SLC6A14: variants seen among roughly 807,000 people sequenced by gnomAD.
SLC6A14 encodes sodium- and chloride-dependent neutral and basic amino acid transporter B(0+).
A neutral mutation model predicts 51.4 loss-of-function variants in SLC6A14; 21 were observed. The ratio of observed to expected loss-of-function variants is 0.41; its 90% confidence interval spans 0.29 to 0.59. SLC6A14 has a LOEUF of 0.59. SLC6A14 is among the 20% of genes least tolerant of loss of function. The pLI, the probability that SLC6A14 is intolerant of heterozygous loss-of-function variation, is 0.31. For synonymous variants in SLC6A14, 177 were observed against 160.7 expected (o/e 1.10, Z -0.77); for missense variants, 371 against 472.8 (o/e 0.78, Z 2.00).
chrX:116,460,269 T>C lies in SLC6A14; in HGVS notation c.*1314T>C, dbSNP rs1556695070. On this transcript the variant is annotated 3_prime_UTR_variant, in exon 14 of 14. Coordinates refer to ENST00000598581, the MANE Select transcript of SLC6A14 (RefSeq NM_007231.5). The stretch of plus-strand genomic sequence containing the variant: ...AGGAAAACTGTGACCCAAAGAAGTT[T>C]AAGAATCACATACACTGCTGCTGGC... 1 of 111,634 alleles carries C rather than the reference T, an allele frequency of 9.0e-6. No homozygotes were observed. The highest frequency in any genetic ancestry group is 9.5e-5 in the Admixed American group (1 of 10,514). 9.2% of individuals were successfully genotyped at this position (111,634 alleles called of 1,213,427 possible). A position where few individuals can be genotyped will look rare whatever the true frequency, so the allele number is the denominator to read the frequency against.
intron 2 of SLC6A14, among the ~76,000 whole-genome samples, chrX:116,440,705 T>G (rs1419449620): frequency 8.9e-6 from 1 of 111,961 alleles, no homozygotes; most frequent in East Asian, 2.8e-4. Flanking sequence ...TCAATTCCTC[T>G]GGCTTACTTT....
At chrX:116,453,584 A>T (rs1927866039) in intron 9 of SLC6A14, among the ~76,000 whole-genome samples, 1 of 111,528 alleles carries the variant, frequency 9.0e-6, no homozygotes, top group Non-Finnish European at 1.9e-5. Context: ...TTTTGCATTG[A>T]TTATGAATCC....
Position 116,444,998 on chromosome X carries a change from C to A in SLC6A14, c.737C>A (p.Ala246Asp). 1 of 1,208,544 alleles carries A rather than the reference C, an allele frequency of 8.3e-7. No individual in the cohort carries two copies. Among genetic ancestry groups the A allele is most frequent in the Non-Finnish European group, 1.1e-6 (1 of 893,810 alleles). ...VWYLALCLLL[A>D]WLIVGAALFK... is the part of the protein sequence containing the mutation. ...TATTTAGCACTTTGTCTTCTTCTGGCTTGGCTCATAGTTGGAGCAGCACTA... is the reference window on the plus strand; with the variant it reads ...TATTTAGCACTTTGTCTTCTTCTGGATTGGCTCATAGTTGGAGCAGCACTA... The change falls in exon 6 of 14, where the codon GCT becomes GAT. Residue 246 changes from alanine to aspartate, a missense_variant. This residue lies in a region of SLC6A14 where 277 missense variants were observed against 391.8 expected (regional missense o/e 0.71). Coordinates refer to ENST00000598581, the MANE Select transcript of SLC6A14 (RefSeq NM_007231.5).
chrX:116,439,934 TTGAAA>T (rs1927560651), intron 2 of SLC6A14, among the ~76,000 whole-genome samples: 1 of 110,921 alleles, frequency 9.0e-6, no homozygotes, highest in African/African-American at 3.3e-5. Flanking sequence ...ATTTTGAGAG[TTGAAA>T]AAAATGTTAT....
intron 3 of SLC6A14, among the ~76,000 whole-genome samples, chrX:116,442,271 C>T (rs782129040): frequency 9.0e-6 from 1 of 111,572 alleles, no homozygotes; most frequent in South Asian, 3.8e-4. Flanking sequence ...TTAAAACAGT[C>T]TTTATTTATT....
At chrX:116,448,590 C>T (rs1556694202) in intron 7 of SLC6A14, among the ~76,000 whole-genome samples, 2 of 111,593 alleles carry the variant, frequency 1.8e-5, no homozygotes, top group Non-Finnish European at 3.8e-5. Context: ...AGCTAATGTA[C>T]AATTATTTCA....
Position 116,445,025 on chromosome X carries a change from T to G in SLC6A14, c.764T>G (p.Phe255Cys). The G allele has an allele frequency of 8.4e-7, 1 of 1,196,862 alleles. No homozygotes were observed. Among genetic ancestry groups the G allele is most frequent in the Non-Finnish European group, 1.1e-6 (1 of 889,476 alleles). Reference sequence around the variant, plus strand: ...TGGCTCATAGTTGGAGCAGCACTATTTAAAGGAATCAAATCGTCTGGCAAG... The same window carrying G: ...TGGCTCATAGTTGGAGCAGCACTATGTAAAGGAATCAAATCGTCTGGCAAG... ...LAWLIVGAALFKGIKSSGKVV... is the reference protein window; with the variant it reads ...LAWLIVGAALCKGIKSSGKVV... The change falls in exon 6 of 14, where the codon TTT (phenylalanine) becomes TGT (cysteine). Residue 255 changes from phenylalanine to cysteine, a missense_variant. Transcript: ENST00000598581.
chrX:116,440,949 T>C lies in SLC6A14; in HGVS notation c.215-17T>C. On this transcript the variant is annotated splice_polypyrimidine_tract_variant and intron_variant, in intron 2 of 13. Coordinates refer to ENST00000598581, the MANE Select transcript of SLC6A14 (RefSeq NM_007231.5). ...TCGAGCTGTAATAGTGCTTTGGTTC[T>C]TTCTCACCTTTTTTAGGCGCCTTCT... is the stretch of plus-strand genomic sequence containing the variant. 2.5e-6 allele frequency: 3 copies of C among 1,208,085 alleles called. No individual in the cohort carries two copies. The highest frequency in any genetic ancestry group is 2.2e-6 in the Non-Finnish European group (2 of 893,428).
intron 12 of SLC6A14, 85 bp downstream of exon 12, chrX:116,455,551 CA>C: frequency 1.6e-6 from 1 of 634,875 alleles, no homozygotes. Flanking sequence ...AGACAAAAGG[CA>C]AATTAATTTT....
rs1487397536 is a variant in SLC6A14, at chrX:116,459,744, G to A, written c.*789G>A. On this transcript the variant is annotated 3_prime_UTR_variant, in exon 14 of 14. Coordinates refer to ENST00000598581, the MANE Select transcript of SLC6A14 (RefSeq NM_007231.5). The stretch of plus-strand genomic sequence containing the variant: ...TCTATTGTGTTTCACAAAATTAAGT[G>A]TTGTTCATTATACTCTCTGAAATAT... The A allele has an allele frequency of 8.9e-6, 1 of 111,907 alleles. No homozygotes were observed. The highest frequency in any genetic ancestry group is 1.9e-5 in the Non-Finnish European group (1 of 53,047). The allele number at this position is 111,907 out of a possible 1,213,427, so 9.2% of individuals were successfully genotyped here.
chrX:116,450,167 A>C (rs782579265), intron 7 of SLC6A14, among the ~76,000 whole-genome samples: 115 of 111,821 alleles, frequency 1.0e-3, no homozygotes, highest in Admixed American at 2.1e-3. Flanking sequence ...ACCAACAACA[A>C]AAACTTTGGT....
intron 2 of SLC6A14, among the ~76,000 whole-genome samples, chrX:116,439,415 G>A (rs782251652): frequency 1.8e-5 from 2 of 111,054 alleles, no homozygotes; most frequent in Non-Finnish European, 3.8e-5. Context: ...TGTTAAATGC[G>A]AATTAGGTTT....
At chrX:116,455,304 G>T in intron 11 of SLC6A14, 53 bp from the exon 12 acceptor site, 1 of 981,818 alleles carries the variant, frequency 1.0e-6, no homozygotes, top group Non-Finnish European at 1.4e-6. Context: ...TGCCATAATG[G>T]TTACTGGAAG....
At position 116,436,742 on chromosome X, in the gene SLC6A14, G is replaced by A; in HGVS notation, c.33G>A (p.Lys11=). 8.6e-7 allele frequency: 1 copy of A among 1,166,046 alleles called. No individual in the cohort carries two copies. The highest frequency in any genetic ancestry group is 1.1e-6 in the Non-Finnish European group (1 of 872,060). MDKLKCPSFF[K]CREKEKVSAS... ...AGTTGAAATGCCCGAGTTTCTTCAAGTGCAGGGAGAAGGAGGTAGGGGTCT... is the reference window on the plus strand; with the variant it reads ...AGTTGAAATGCCCGAGTTTCTTCAAATGCAGGGAGAAGGAGGTAGGGGTCT... The change falls in exon 1 of 14, where the codon AAG becomes AAA. Residue 11 remains lysine, a synonymous_variant. Transcript: ENST00000598581.
At chrX:116,454,089 G>T (rs1309184412) in intron 9 of SLC6A14, among the ~76,000 whole-genome samples, 1 of 110,843 alleles carries the variant, frequency 9.0e-6, no homozygotes, top group Admixed American at 9.6e-5. Context: ...TGTTATCGAT[G>T]AAAAATCATA....
rs782667133 is a variant in SLC6A14 at position 116,451,630 on chromosome X, C to T, written c.1119C>T (p.Ala373=). The change falls in exon 8 of 14, where the codon GCC becomes GCT. Residue 373 remains alanine, a synonymous_variant. Coordinates refer to ENST00000598581, the MANE Select transcript of SLC6A14 (RefSeq NM_007231.5). ...TTTTTTCTATATTGGGACACATGGC[C>T]CATATATCTGGAAAGGAAGTTTCTC... The part of the protein sequence containing the change: ...FAIFSILGHM[A]HISGKEVSQV... The T allele has an allele frequency of 8.3e-7, 1 of 1,202,379 alleles. No homozygotes were observed. The highest frequency in any genetic ancestry group is 1.8e-5 in the African/African-American group (1 of 56,674).
At position 116,451,574 on chromosome X, in the gene SLC6A14, T is replaced by A; in HGVS notation, c.1063T>A (p.Cys355Ser). ...TGCCATTGTGGTTTGTTTGACAAAC[T>A]GTCTCACTAGCGTGTTTGCTGGATT... is the stretch of plus-strand genomic sequence containing the variant. ...SDAIVVCLTN[C>S]LTSVFAGFAI... The change falls in exon 8 of 14, where the codon TGT becomes AGT. Residue 355 changes from cysteine (C) to serine (S), a missense_variant. Transcript: ENST00000598581. 1 of 1,209,895 alleles carries A rather than the reference T, an allele frequency of 8.3e-7. No homozygotes were observed. Among genetic ancestry groups the A allele is most frequent in the Admixed American group, 2.2e-5 (1 of 45,959 alleles).
At chrX:116,458,734 C>T (rs1927981308) in intron 13 of SLC6A14, 75 bp from the exon 14 acceptor site, 1 of 904,210 alleles carries the variant, frequency 1.1e-6, no homozygotes, top group Non-Finnish European at 1.5e-6. Flanking sequence ...AAGGAAAGTA[C>T]AGTTCAATAT....
At chrX:116,450,602 G>A (rs2067468968) in intron 7 of SLC6A14, among the ~76,000 whole-genome samples, 1 of 111,798 alleles carries the variant, frequency 8.9e-6, no homozygotes, top group Non-Finnish European at 1.9e-5. Context: ...TCCATCAACA[G>A]GAGAAATGAT....
Sources: gnomAD v4.1 joint callset for allele counts (sites outside exome capture counted in the v4.1 genomes callset) on GRCh38, gnomAD v4.1.1 for gene constraint, gnomAD v4.1.1 regional missense constraint, MANE v1.5 for transcripts, NCBI Gene and HGNC (gene_info 2026-07-23, HGNC 2026-07-21) for gene names.